The following PPFIA2 variants were observed in gnomAD, a reference collection of about 807,000 sequenced individuals.
PPFIA2 encodes PPFI scaffold protein A2, also known as liprin-alpha-2.
Under a neutral mutation model 175.5 loss-of-function variants are expected in PPFIA2, and 46 were observed. The ratio of observed to expected loss-of-function variants is 0.26; its 90% CI spans 0.21 to 0.34. The LOEUF (loss-of-function observed/expected upper bound fraction) is 0.34. Ranked by LOEUF, PPFIA2 falls within the 10% of genes least tolerant of loss-of-function variation. The pLI is 1.00. For missense variants in PPFIA2, 1,179 were observed against 1,506.1 expected (o/e 0.78, Z 3.60); for synonymous variants, 568 against 511.4 (o/e 1.11, Z -1.49).
intron 4 of PPFIA2, among the ~76,000 whole-genome samples, chr12:81,598,591 A>G (rs1018433225): frequency 6.6e-6 from 1 of 151,422 alleles, no homozygotes; most frequent in African/African-American, 2.4e-5. Flanking sequence ...TAAATCTTTT[A>G]GTCACTCCCA....
intron 4 of PPFIA2, chr12:81,597,973 C>G (rs891593191): frequency 6.5e-7 from 1 of 1,535,018 alleles, no homozygotes; most frequent in Admixed American, 2.0e-5. Context: ...AAAACCGGGT[C>G]CCATTAGGAG....
intron 27 of PPFIA2, among the ~76,000 whole-genome samples, chr12:81,278,269 A>C (rs1184068866): frequency 1.3e-5 from 2 of 152,148 alleles, no homozygotes; most frequent in African/African-American, 4.8e-5. Context: ...TTGGCCAGGC[A>C]TGGTGGCTCA....
chr12:81,473,120 A>T (rs1307295288), intron 4 of PPFIA2, among the ~76,000 whole-genome samples: 4 of 152,168 alleles, frequency 2.6e-5, no homozygotes, highest in African/African-American at 9.7e-5. Flanking sequence ...ATAAAACTGC[A>T]TGTAGGGCCG....
intron 6 of PPFIA2, among the ~76,000 whole-genome samples, chr12:81,444,269 T>C (rs1197810474): frequency 6.6e-6 from 1 of 152,212 alleles, no homozygotes; most frequent in African/African-American, 2.4e-5. Flanking sequence ...TTTTCATTGA[T>C]ATGTGAATTC....
intron 4 of PPFIA2, among the ~76,000 whole-genome samples, chr12:81,497,556 T>TTTTTTTTG (rs1567072879): frequency 1.4e-5 from 2 of 142,088 alleles, no homozygotes; most frequent in Admixed American, 7.1e-5. Context: ...TTTTTTTTTT[T>TTTTTTTTG]GGGGCAGAGT....
intron 2 of PPFIA2, among the ~76,000 whole-genome samples, chr12:81,756,240 T>C (rs529312271): frequency 1.3e-5 from 2 of 152,206 alleles, no homozygotes; most frequent in African/African-American, 4.8e-5. Flanking sequence ...ACTCACAACG[T>C]TAGGGTTACC....
chr12:81,563,197 A>G (rs1219865762), intron 4 of PPFIA2, among the ~76,000 whole-genome samples: 1 of 152,034 alleles, frequency 6.6e-6, no homozygotes, highest in Admixed American at 6.6e-5. Flanking sequence ...TCTGTCTTTT[A>G]TCTCCTCTGG....
At chr12:81,501,914 T>C (rs2060636663) in intron 4 of PPFIA2, among the ~76,000 whole-genome samples, 1 of 152,138 alleles carries the variant, frequency 6.6e-6, no homozygotes. Context: ...AGCTAGGAGA[T>C]ATTAATGTGG....
At chr12:81,552,181 C>A (rs984738505) in intron 4 of PPFIA2, among the ~76,000 whole-genome samples, 3 of 151,314 alleles carry the variant, frequency 2.0e-5, no homozygotes, top group Non-Finnish European at 4.4e-5. Context: ...AAATAAATGG[C>A]AAAACTACTT....
chr12:81,480,362 T>C (rs976559536), intron 4 of PPFIA2, among the ~76,000 whole-genome samples: 4 of 152,070 alleles, frequency 2.6e-5, no homozygotes, highest in African/African-American at 9.7e-5. Context: ...AACATGATGC[T>C]TTATCTCAGA....
chr12:81,743,232 C>T (rs2082548887), intron 3 of PPFIA2, among the ~76,000 whole-genome samples: 1 of 151,300 alleles, frequency 6.6e-6, no homozygotes, highest in African/African-American at 2.4e-5. Flanking sequence ...TCCTGGCTAA[C>T]ACAGTGAAAC....
intron 3 of PPFIA2, among the ~76,000 whole-genome samples, chr12:81,752,102 G>C (rs1217116479): frequency 6.6e-6 from 1 of 152,156 alleles, no homozygotes; most frequent in Non-Finnish European, 1.5e-5. Flanking sequence ...AGGGAAATGG[G>C]AACACACTGC....
intron 3 of PPFIA2, among the ~76,000 whole-genome samples, chr12:81,721,052 A>G (rs1316019251): frequency 2.7e-5 from 4 of 150,904 alleles, no homozygotes; most frequent in African/African-American, 9.7e-5. Context: ...TGATTATGAA[A>G]TGGATGAATG....
Position 81,357,939 on chromosome 12 carries a change from A to G in PPFIA2, c.1773+143T>C, listed in dbSNP as rs773960591. 5 of 835,116 alleles carry G rather than the reference A, an allele frequency of 6.0e-6. No homozygotes were observed. The South Asian group carries it at 7.1e-5, about 12-fold the overall frequency. 51.7% of individuals were successfully genotyped at this position (835,116 alleles called of 1,614,324 possible). A position where few individuals can be genotyped will look rare whatever the true frequency, so the allele number is the denominator to read the frequency against. ...ATAGTAGGGGCTTTATGTTACTTAT[A>G]GTTTTTTTAAAAATGTCATACTCTG... On this transcript the variant is annotated intron_variant, in intron 16 of 32. Coordinates refer to ENST00000549396, the MANE Select transcript of PPFIA2 (RefSeq NM_003625.5).
intron 4 of PPFIA2, among the ~76,000 whole-genome samples, chr12:81,479,527 C>G (rs2057933281): frequency 6.6e-6 from 1 of 152,078 alleles, no homozygotes; most frequent in Admixed American, 6.6e-5. Context: ...AGTCGATGGT[C>G]TTTACAATTT....
intron 8 of PPFIA2, among the ~76,000 whole-genome samples, chr12:81,398,034 T>C (rs2041465571): frequency 6.6e-6 from 1 of 151,994 alleles, no homozygotes; most frequent in Non-Finnish European, 1.5e-5. Flanking sequence ...GTTGTATAAT[T>C]ATTTCATTAT....
intron 11 of PPFIA2, among the ~76,000 whole-genome samples, chr12:81,370,808 G>T (rs2034887454): frequency 6.6e-6 from 1 of 151,850 alleles, no homozygotes; most frequent in Non-Finnish European, 1.5e-5. Context: ...TTTAATCATT[G>T]CAAGTTAAGT....
intron 4 of PPFIA2, among the ~76,000 whole-genome samples, chr12:81,659,545 A>C (rs181910869): frequency 0.01 from 1,524 of 152,274 alleles, 12 homozygotes; most frequent in Non-Finnish European, 0.012. Context: ...AGAGGTAAAC[A>C]AAGCAGCGGG....
At chr12:81,505,102 T>C (rs953222580) in intron 4 of PPFIA2, among the ~76,000 whole-genome samples, 5 of 152,042 alleles carry the variant, frequency 3.3e-5, no homozygotes, top group Non-Finnish European at 7.4e-5. Flanking sequence ...TATTCTGATT[T>C]AGTGAGTCTT....
Sources: gnomAD v4.1 joint callset for allele counts (sites outside exome capture counted in the v4.1 genomes callset) on GRCh38, gnomAD v4.1.1 for gene constraint, MANE v1.5 for transcripts, NCBI Gene and HGNC (gene_info 2026-07-23, HGNC 2026-07-21) for gene names.